Variants in ANK1 observed in about 807,000 individuals in gnomAD.
The protein encoded by ANK1 is ankyrin-1.
In ANK1, 51 loss-of-function variants were observed where a neutral mutation model predicts 210.4. The observed-to-expected ratio is 0.24, with a 90% confidence interval of 0.19 to 0.31. ANK1 has a LOEUF of 0.31. Among genes scored for constraint, ANK1 ranks in the 10% least tolerant of loss-of-function variants. The pLI is 1.00. For synonymous variants in ANK1, 967 were observed against 1,025.9 expected (o/e 0.94, Z 1.10); for missense variants, 2,051 against 2,504.4 (o/e 0.82, Z 3.86).
At chr8:41,663,777 G>C (rs752870311) in intron 39 of ANK1, 35 bp from the exon 40 acceptor site, 3 of 1,534,466 alleles carry the variant, frequency 2.0e-6, no homozygotes, top group Non-Finnish European at 2.7e-6. Context: ...TGCAAGATTG[G>C]TGAGTGGGAG....
chr8:41,792,994 T>C (rs1848053832), intron 1 of ANK1, among the ~76,000 whole-genome samples: 1 of 151,884 alleles, frequency 6.6e-6, no homozygotes, highest in African/African-American at 2.4e-5. Context: ...CCATGTAGAG[T>C]TTCTGAATAT....
chr8:41,755,595 C>A (rs537820206), intron 2 of ANK1, among the ~76,000 whole-genome samples: 4 of 152,340 alleles, frequency 2.6e-5, no homozygotes, highest in Admixed American at 1.3e-4. Context: ...GAGCAACCCA[C>A]CCTGCCTATG....
rs1018113561 is a variant in ANK1 at position 41,664,727 on chromosome 8, C to G, written c.5395-985G>C. ...GTCTCCCAACTCTGGGTCCGGAGCT[C>G]CCCACAGCAGCGTCCCCTCAGCCCC... On this transcript the variant is annotated intron_variant, in intron 39 of 42. Transcript: ENST00000289734. 7.8e-6 allele frequency: 11 copies of G among 1,416,734 alleles called. No homozygotes were observed. The African/African-American group carries it at 1.6e-4, about 20-fold the overall frequency. 87.8% of individuals were successfully genotyped at this position (1,416,734 alleles called of 1,614,324 possible).
At chr8:41,663,359 G>T (rs911929988) in intron 40 of ANK1, among the ~76,000 whole-genome samples, 1 of 152,106 alleles carries the variant, frequency 6.6e-6, no homozygotes, top group African/African-American at 2.4e-5. Context: ...CTGTTTTCAG[G>T]GTTAGGCATC....
intron 42 of ANK1, chr8:41,660,628 C>T (rs1481783840): frequency 4.6e-6 from 2 of 434,608 alleles, no homozygotes; most frequent in Non-Finnish European, 9.2e-6. Context: ...GCACGGCATG[C>T]CCCTGCTCTG....
chr8:41,698,438 G>T (rs1442210111), intron 23 of ANK1, among the ~76,000 whole-genome samples: 1 of 152,196 alleles, frequency 6.6e-6, no homozygotes, highest in African/African-American at 2.4e-5. Context: ...GTTGCTTACG[G>T]TCAGGGTTAC....
chr8:41,860,620 C>G (rs752040515), intron 1 of ANK1, among the ~76,000 whole-genome samples: 13 of 152,220 alleles, frequency 8.5e-5, no homozygotes, highest in Non-Finnish European at 8.8e-5. Context: ...GAACCTAACT[C>G]ATGGGGTGCT....
chr8:41,771,954 G>A (rs1843051383), intron 1 of ANK1, among the ~76,000 whole-genome samples: 1 of 152,192 alleles, frequency 6.6e-6, no homozygotes, highest in African/African-American at 2.4e-5. Context: ...TCCCATGCGA[G>A]TGGGATTCTC....
intron 2 of ANK1, among the ~76,000 whole-genome samples, chr8:41,751,709 G>C (rs1837743355): frequency 6.6e-6 from 1 of 152,014 alleles, no homozygotes; most frequent in Admixed American, 6.6e-5. Flanking sequence ...CCACCCCGGG[G>C]TCCCACCTGG....
At chr8:41,740,088 T>G (rs1312657154) in intron 2 of ANK1, among the ~76,000 whole-genome samples, 1 of 152,108 alleles carries the variant, frequency 6.6e-6, no homozygotes, top group South Asian at 2.1e-4. Flanking sequence ...TCACTTGCAC[T>G]GGTCTTGGGT....
At position 41,661,051 on chromosome 8, in the gene ANK1, C is replaced by CT. The variant is rs1311422888; in HGVS notation, c.*36+378dup. ...TTTTTTCTTTCTGGCTTTTTTTTTT[C>CT]TTTTTTTTGTGATGGGGTCTTGCTC... On this transcript the variant is annotated intron_variant, in intron 42 of 42. Coordinates refer to ENST00000289734, the MANE Select transcript of ANK1 (RefSeq NM_000037.4). 207 of 209,422 alleles carry CT rather than the reference C, an allele frequency of 9.9e-4. 2 individuals carry two copies. Among genetic ancestry groups the CT allele is most frequent in the African/African-American group, 4.4e-3 (178 of 40,916 alleles). 13.0% of individuals were successfully genotyped at this position (209,422 alleles called of 1,614,324 possible).
chr8:41,668,191 A>G, intron 39 of ANK1, 76 bp downstream of exon 39: 1 of 1,596,116 alleles, frequency 6.3e-7, no homozygotes, highest in Non-Finnish European at 8.6e-7. Context: ...TGAGTGCCTG[A>G]GAGGCAGCCC....
At position 41,699,481 on chromosome 8, in the gene ANK1, CA is replaced by C. The variant is rs1235915868; in HGVS notation, c.2528del (p.Leu843ArgfsTer8). The C allele has an allele frequency of 6.2e-7, 1 of 1,614,194 alleles. No individual in the cohort carries two copies. The highest frequency in any genetic ancestry group is 1.7e-5 in the Admixed American group (1 of 60,036). On this transcript the variant is annotated frameshift_variant, in exon 23 of 43. Transcript: ENST00000289734. LOFTEE classifies it high-confidence loss of function. The part of the protein sequence containing the change: ...DSRDVDEEKE[L>X]LDFVPKLDQV... ...GGTCTAGCTTCGGCACAAAATCCAGCAGCTCCTTCTCTTCATCAACATCCCT... is the reference window on the plus strand; with the variant it reads ...GGTCTAGCTTCGGCACAAAATCCAGCGCTCCTTCTCTTCATCAACATCCCT...
Position 41,688,568 on chromosome 8 carries a change from T to C in ANK1, c.4126A>G (p.Arg1376Gly). The change falls in exon 34 of 43, where the codon AGA (arginine) becomes GGA (glycine). Residue 1376 changes from arginine to glycine, a missense_variant. Around this residue, in one of 6 missense-constraint regions of ANK1, gnomAD observed 1,413 missense variants for 1,707.4 expected, o/e 0.83. Coordinates refer to ENST00000289734, the MANE Select transcript of ANK1 (RefSeq NM_000037.4). Reference protein sequence around the residue: ...CAKGSGAEDRRRTPTPLALRY... With the variant: ...CAKGSGAEDRGRTPTPLALRY... ...AGGGCCAGGGGCGTCGGGGTCCTTC[T>C]CCTATCTTCGGCTCCACTTCCCTGC... 1 of 1,614,090 alleles carries C rather than the reference T, an allele frequency of 6.2e-7. No homozygotes were observed. Among genetic ancestry groups the C allele is most frequent in the Non-Finnish European group, 8.5e-7 (1 of 1,180,010 alleles).
intron 1 of ANK1, among the ~76,000 whole-genome samples, chr8:41,774,620 T>C (rs1843625061): frequency 6.6e-6 from 1 of 152,246 alleles, no homozygotes; most frequent in African/African-American, 2.4e-5. Context: ...GAGCAATTGT[T>C]TCCTCAGTCC....
chr8:41,860,089 G>C (rs953776105), intron 1 of ANK1, among the ~76,000 whole-genome samples: 1 of 152,196 alleles, frequency 6.6e-6, no homozygotes, highest in Admixed American at 6.5e-5. Context: ...GACTGAATCT[G>C]CTCAAATATT....
Position 41,774,379 on chromosome 8 carries a change from A to G in ANK1, c.28-16242T>C, listed in dbSNP as rs116685391. 8.2e-3 allele frequency among the ~76,000 whole-genome samples: 1,243 copies of G among 152,366 alleles called. 26 individuals carry two copies. The highest frequency in any genetic ancestry group is 0.029 in the African/African-American group (1,201 of 41,590). ...CCAGTCAACTCAGATTTCTAAATGA[A>G]TCAGATGTTCGGGGCTAGTTGACTA... is the stretch of plus-strand genomic sequence containing the variant. On this transcript the variant is annotated intron_variant, in intron 1 of 42. Coordinates refer to ENST00000289734, the MANE Select transcript of ANK1 (RefSeq NM_000037.4).
At chr8:41,864,353 C>G (rs775909586) in intron 1 of ANK1, among the ~76,000 whole-genome samples, 1 of 151,634 alleles carries the variant, frequency 6.6e-6, no homozygotes, top group African/African-American at 2.4e-5. Flanking sequence ...AAGAATGTTT[C>G]TTTATTTAAA....
chr8:41,718,181 G>A lies in ANK1; in HGVS notation c.1131C>T (p.Ile377=), dbSNP rs373336198. The change falls in exon 11 of 43, where the codon ATC becomes ATT. Residue 377 remains isoleucine, a synonymous_variant. Coordinates refer to ENST00000289734, the MANE Select transcript of ANK1 (RefSeq NM_000037.4). ...RALNGFTPLH[I]ACKKNHVRVM... Reference sequence around the variant, plus strand: ...CACGGACGTGGTTCTTTTTGCAGGCGATGTGTAAGGGGGTAAAGCCATTCT... The same window carrying A: ...CACGGACGTGGTTCTTTTTGCAGGCAATGTGTAAGGGGGTAAAGCCATTCT... 2.9e-5 allele frequency: 47 copies of A among 1,613,928 alleles called. No homozygotes were observed. Among genetic ancestry groups the A allele is most frequent in the Admixed American group, 5.0e-5 (3 of 60,018 alleles).
Sources: allele counts gnomAD v4.1 joint callset (sites outside exome capture counted in the v4.1 genomes callset), GRCh38; gene constraint gnomAD v4.1.1; regional missense constraint gnomAD v4.1.1; transcripts MANE v1.5; gene names NCBI Gene and HGNC (gene_info 2026-07-23, HGNC 2026-07-21).